CDH8: variants seen among roughly 807,000 people sequenced by gnomAD.
CDH8 encodes the protein cadherin-8.
A neutral mutation model predicts 68.1 loss-of-function variants in CDH8; 17 were observed. The ratio of observed to expected loss-of-function variants is 0.25; its 90% CI spans 0.17 to 0.37. The LOEUF (loss-of-function observed/expected upper bound fraction) is 0.37, where lower values mean the gene tolerates loss of function less well. CDH8 is among the 10% of genes least tolerant of loss of function. CDH8 has a pLI of 1.00. For missense variants in CDH8, 763 were observed against 999.3 expected (o/e 0.76, Z 3.19); for synonymous variants, 372 against 365.1 (o/e 1.02, Z -0.21).
At chr16:61,899,831 G>GACACACACACACACACACAC (rs35171683) in intron 3 of CDH8, among the ~76,000 whole-genome samples, 34 of 147,338 alleles carry the variant, frequency 2.3e-4, no homozygotes, top group African/African-American at 6.0e-4. Context: ...ATGTTATAAA[G>GACACACACACACACACACAC]ACACACACAC....
chr16:61,888,774 C>T lies in CDH8; in HGVS notation c.547+12405G>A, dbSNP rs184307284. 1.6e-3 allele frequency among the ~76,000 whole-genome samples: 251 copies of T among 152,204 alleles called. 1 individual carries two copies. The highest frequency in any genetic ancestry group is 5.8e-3 in the African/African-American group (243 of 41,540). Reference sequence around the variant, plus strand: ...TTTGGATTTCAGAAGGAATAATGTACAGACATTTCAAGACTTGCTTCAAAA... The same window carrying T: ...TTTGGATTTCAGAAGGAATAATGTATAGACATTTCAAGACTTGCTTCAAAA... On this transcript the variant is annotated intron_variant, in intron 3 of 11. Transcript: ENST00000577390.
chr16:61,842,747 C>T (rs1290139090), intron 4 of CDH8, among the ~76,000 whole-genome samples: 1 of 152,178 alleles, frequency 6.6e-6, no homozygotes, highest in Non-Finnish European at 1.5e-5. Context: ...TACTGCCCTA[C>T]TTAACAGGGA....
At chr16:61,782,843 T>G (rs368018784) in intron 8 of CDH8, among the ~76,000 whole-genome samples, 2 of 151,746 alleles carry the variant, frequency 1.3e-5, no homozygotes, top group Non-Finnish European at 2.9e-5. Flanking sequence ...ACACCTCACA[T>G]GGCAGGGTAT....
intron 1 of CDH8, among the ~76,000 whole-genome samples, chr16:62,023,501 A>G (rs1411481607): frequency 1.3e-5 from 2 of 152,158 alleles, no homozygotes; most frequent in Non-Finnish European, 2.9e-5. Flanking sequence ...ACACATGTAA[A>G]CCAGCCAGAT....
chr16:61,680,013 T>C (rs938508637), intron 10 of CDH8, among the ~76,000 whole-genome samples: 1 of 152,010 alleles, frequency 6.6e-6, no homozygotes, highest in Non-Finnish European at 1.5e-5. Context: ...AGGTAAAAGC[T>C]GTCAAGTGAA....
intron 3 of CDH8, among the ~76,000 whole-genome samples, chr16:61,876,145 A>T (rs1401781134): frequency 6.6e-6 from 1 of 152,084 alleles, no homozygotes; most frequent in Non-Finnish European, 1.5e-5. Context: ...AAAGTACTGG[A>T]ATTACAGGTG....
At chr16:61,952,245 C>G (rs748199088) in intron 2 of CDH8, among the ~76,000 whole-genome samples, 15 of 151,990 alleles carry the variant, frequency 9.9e-5, no homozygotes, top group Non-Finnish European at 1.9e-4. Flanking sequence ...TAAAGAATAC[C>G]ACAGAAGAAC....
At chr16:61,996,019 C>T (rs1192114421) in intron 2 of CDH8, among the ~76,000 whole-genome samples, 2 of 152,086 alleles carry the variant, frequency 1.3e-5, no homozygotes, top group Admixed American at 1.3e-4. Flanking sequence ...AAAGATAGTC[C>T]GGTTAGGCAG....
intron 7 of CDH8, among the ~76,000 whole-genome samples, chr16:61,801,508 T>A (rs1387150297): frequency 6.6e-6 from 1 of 152,088 alleles, no homozygotes; most frequent in African/African-American, 2.4e-5. Context: ...GCTCCCAGCG[T>A]GAGCGACGCA....
chr16:61,771,106 C>A (rs978507112), intron 8 of CDH8, among the ~76,000 whole-genome samples: 7 of 151,724 alleles, frequency 4.6e-5, no homozygotes, highest in African/African-American at 1.7e-4. Context: ...TATATAATTG[C>A]CTTTTAAAAT....
chr16:61,880,082 C>T (rs560187384), intron 3 of CDH8, among the ~76,000 whole-genome samples: 15 of 152,054 alleles, frequency 9.9e-5, no homozygotes, highest in Admixed American at 4.6e-4. Flanking sequence ...CCCACCACCA[C>T]GCCCTGCTAA....
chr16:61,769,159 G>A (rs1221666276), intron 8 of CDH8, among the ~76,000 whole-genome samples: 5 of 151,776 alleles, frequency 3.3e-5, no homozygotes, highest in Admixed American at 2.0e-4. Flanking sequence ...AAGGCAAACA[G>A]TGTTGTCATA....
At chr16:61,897,862 C>G (rs989107824) in intron 3 of CDH8, among the ~76,000 whole-genome samples, 2 of 152,034 alleles carry the variant, frequency 1.3e-5, no homozygotes, top group African/African-American at 4.8e-5. Flanking sequence ...AAGTCAGAAG[C>G]CAAACGAAGT....
intron 2 of CDH8, among the ~76,000 whole-genome samples, chr16:61,982,711 A>G (rs1965559768): frequency 6.6e-6 from 1 of 152,236 alleles, no homozygotes; most frequent in Non-Finnish European, 1.5e-5. Context: ...TAATTCTAGA[A>G]GTAATTCTAG....
In CDH8 at chr16:61,680,413, C is replaced by T. The variant is rs542610059; in HGVS notation, c.1655-24692G>A. On this transcript the variant is annotated intron_variant, in intron 10 of 11. Coordinates refer to ENST00000577390, the MANE Select transcript of CDH8 (RefSeq NM_001796.5). The stretch of plus-strand genomic sequence containing the variant: ...TCCTACCAATGCCGATTCTAATACA[C>T]GCCGTTCTCTTTCCCTCTCTATTTC... 4.6e-5 allele frequency among the ~76,000 whole-genome samples: 7 copies of T among 151,918 alleles called. No individual in the cohort carries two copies. In the South Asian group the frequency reaches 1.0e-3, roughly 23 times the overall value.
intron 1 of CDH8, among the ~76,000 whole-genome samples, chr16:62,026,716 T>C (rs146502886): frequency 7.2e-5 from 11 of 152,338 alleles, no homozygotes; most frequent in African/African-American, 2.6e-4. Flanking sequence ...GGCACATGCA[T>C]GCTATCAGGG....
At chr16:62,006,247 G>C (rs1000567403) in intron 2 of CDH8, among the ~76,000 whole-genome samples, 8 of 152,288 alleles carry the variant, frequency 5.3e-5, no homozygotes, top group African/African-American at 9.6e-5. Context: ...ATAAAAGTAA[G>C]CACTTTTCCA....
chr16:61,837,102 C>G (rs2143006695), intron 4 of CDH8, among the ~76,000 whole-genome samples: 1 of 151,974 alleles, frequency 6.6e-6, no homozygotes, highest in Admixed American at 6.6e-5. Context: ...TGACTTGCCT[C>G]TTTCCTCACA....
At chr16:61,760,301 T>G (rs1960429345) in intron 8 of CDH8, among the ~76,000 whole-genome samples, 1 of 151,186 alleles carries the variant, frequency 6.6e-6, no homozygotes, top group Admixed American at 6.6e-5. Flanking sequence ...ATTTATTTAT[T>G]TATTTATTTA....
Sources: gnomAD v4.1 joint callset for allele counts (sites outside exome capture counted in the v4.1 genomes callset) on GRCh38, gnomAD v4.1.1 for gene constraint, MANE v1.5 for transcripts, NCBI Gene and HGNC (gene_info 2026-07-23, HGNC 2026-07-21) for gene names.